Variants in DDX49 observed in about 807,000 individuals in gnomAD.
The protein encoded by DDX49 is probable ATP-dependent RNA helicase DDX49.
A neutral mutation model predicts 56.3 loss-of-function variants in DDX49; 50 were observed. The observed-to-expected ratio is 0.89, with a 90% CI of 0.71 to 1.12. The LOEUF (loss-of-function observed/expected upper bound fraction) is 1.12. Among genes scored for constraint, DDX49 ranks in the 50% most tolerant of loss-of-function variants. The pLI, the probability that DDX49 is intolerant of heterozygous loss-of-function variation, is 0.00. For synonymous variants in DDX49, 269 were observed against 270.6 expected (o/e 0.99, Z 0.06); for missense variants, 614 against 650.5 (o/e 0.94, Z 0.61).
chr19:18,922,081 C>T lies in DDX49; in HGVS notation c.447+117C>T, dbSNP rs1248746628. On this transcript the variant is annotated intron_variant, in intron 4 of 12. Transcript: ENST00000247003. Reference sequence around the variant, plus strand: ...GGAAACGTATGTCCGTTAGACTGTCCAGTAAAACGCTAGGAACAGTGACAA... The same window carrying T: ...GGAAACGTATGTCCGTTAGACTGTCTAGTAAAACGCTAGGAACAGTGACAA... 9.4e-6 allele frequency: 13 copies of T among 1,381,904 alleles called. 1 individual carries two copies. Among genetic ancestry groups the T allele is most frequent in the East Asian group, 2.4e-5 (1 of 41,372 alleles). The allele number at this position is 1,381,904 out of a possible 1,614,324, so 85.6% of individuals were successfully genotyped here.
chr19:18,922,514 G>GT lies in DDX49; in HGVS notation c.635+2dup. ...CCTTCTTCTGGGAAGCACAGGCCCCGTGAGTCCACAGCCCAGACAGCGTGG... is the reference window on the plus strand; with the variant it reads ...CCTTCTTCTGGGAAGCACAGGCCCCGTTGAGTCCACAGCCCAGACAGCGTGG... On this transcript the variant is annotated splice_donor_variant, in intron 5 of 12. Transcript: ENST00000247003. LOFTEE classifies it high-confidence loss of function. The GT allele has an allele frequency of 6.2e-7, 1 of 1,600,312 alleles. No homozygotes were observed. Among genetic ancestry groups the GT allele is most frequent in the Non-Finnish European group, 8.5e-7 (1 of 1,175,626 alleles).
rs1434182987 is a variant in DDX49 at position 18,926,373 on chromosome 19, G to A, written c.1098G>A (p.Gln366=). The A allele has an allele frequency of 1.6e-6, 2 of 1,245,618 alleles. No individual in the cohort carries two copies. Among genetic ancestry groups the A allele is most frequent in the South Asian group, 1.3e-5 (1 of 79,524 alleles). The allele number at this position is 1,245,618 out of a possible 1,614,324, so 77.2% of individuals were successfully genotyped here. The change falls in exon 10 of 13, where the codon CAG becomes CAA. Residue 366 remains glutamine, a synonymous_variant. Coordinates refer to ENST00000247003, the MANE Select transcript of DDX49 (RefSeq NM_019070.5). ...ACCTGGTGCACGCCATCGAGGAGCA[G>A]ATCAGTGAGTGGGGTTGGGGTGGGT... The part of the protein sequence containing the change: ...DIHLVHAIEE[Q]IKKKLEEFSV...
At chr19:18,923,300 T>C (rs938779959) in intron 6 of DDX49, among the ~76,000 whole-genome samples, 1 of 152,124 alleles carries the variant, frequency 6.6e-6, no homozygotes, top group Non-Finnish European at 1.5e-5. Context: ...GGTAGGCGGA[T>C]CACCTGAGGT....
chr19:18,922,973 A>G (rs2056931858), intron 6 of DDX49, among the ~76,000 whole-genome samples: 1 of 152,222 alleles, frequency 6.6e-6, no homozygotes, highest in Non-Finnish European at 1.5e-5. Context: ...CCCTGCAAGC[A>G]GCTGTTTGAG....
At position 18,926,301 on chromosome 19, in the gene DDX49, A is replaced by G; in HGVS notation, c.1028-2A>G. On this transcript the variant is annotated splice_acceptor_variant, in intron 9 of 12. Coordinates refer to ENST00000247003, the MANE Select transcript of DDX49 (RefSeq NM_019070.5). LOFTEE classifies it high-confidence loss of function. ...TAGCAGATAACCGGCACATCCCCACAGGGCGGCAGGGTCAGGCCATCACGC... is the reference window on the plus strand; with the variant it reads ...TAGCAGATAACCGGCACATCCCCACGGGGCGGCAGGGTCAGGCCATCACGC... The G allele has an allele frequency of 6.4e-7, 1 of 1,564,718 alleles. No homozygotes were observed. The highest frequency in any genetic ancestry group is 8.7e-7 in the Non-Finnish European group (1 of 1,154,284).
intron 10 of DDX49, among the ~76,000 whole-genome samples, chr19:18,927,366 C>A (rs182059646): frequency 5.3e-4 from 81 of 152,084 alleles, no homozygotes; most frequent in Non-Finnish European, 8.8e-4. Flanking sequence ...CAGAGTAAGA[C>A]CCTGTCTTCA....
At chr19:18,925,469 T>C (rs1213761600) in intron 9 of DDX49, among the ~76,000 whole-genome samples, 2 of 151,914 alleles carry the variant, frequency 1.3e-5, no homozygotes, top group Non-Finnish European at 2.9e-5. Flanking sequence ...GCAGGAGAAT[T>C]GCTTGAACCC....
At position 18,922,725 on chromosome 19, in the gene DDX49, A is replaced by C; in HGVS notation, c.757A>C (p.Ile253Leu). 6.2e-7 allele frequency: 1 copy of C among 1,613,484 alleles called. No homozygotes were observed. Among genetic ancestry groups the C allele is most frequent in the Non-Finnish European group, 8.5e-7 (1 of 1,179,792 alleles). ...TGAGCACGAGGACTGGTCCATTATC[A>C]TCTTCACCAACACGTGCAAGTGAGC... ...QDEHEDWSII[I>L]FTNTCKTCQI... The change falls in exon 6 of 13, where the codon ATC (isoleucine) becomes CTC (leucine). Residue 253 changes from isoleucine (I) to leucine (L), a missense_variant. By Grantham distance (5) the Ile-to-Leu change is conservative. Coordinates refer to ENST00000247003, the MANE Select transcript of DDX49 (RefSeq NM_019070.5).
At position 18,924,974 on chromosome 19, in the gene DDX49, G is replaced by T; in HGVS notation, c.1022G>T (p.Arg341Leu). The change falls in exon 9 of 13, where the codon CGT becomes CTT. Residue 341 changes from arginine to leucine, a missense_variant. Coordinates refer to ENST00000247003, the MANE Select transcript of DDX49 (RefSeq NM_019070.5). Reference protein sequence around the residue: ...IYIHRVGRTARAGRQGQAITL... With the variant: ...IYIHRVGRTALAGRQGQAITL... Reference sequence around the variant, plus strand: ...ATCCACCGAGTCGGCCGGACGGCCCGTGCAGGTGAGCAGTGGAGGGGGAGG... The same window carrying T: ...ATCCACCGAGTCGGCCGGACGGCCCTTGCAGGTGAGCAGTGGAGGGGGAGG... 1 of 1,610,314 alleles carries T rather than the reference G, an allele frequency of 6.2e-7. No individual in the cohort carries two copies. The highest frequency in any genetic ancestry group is 8.5e-7 in the Non-Finnish European group (1 of 1,179,674).
At chr19:18,926,427 A>ATT in intron 10 of DDX49, 50 bp downstream of exon 10, 3 of 444,374 alleles carry the variant, frequency 6.8e-6, no homozygotes, top group Non-Finnish European at 4.5e-6. Context: ...GGGTGGGCAG[A>ATT]GGTGGGCACC....
intron 9 of DDX49, among the ~76,000 whole-genome samples, chr19:18,925,622 G>A (rs563580817): frequency 5.9e-5 from 9 of 152,328 alleles, no homozygotes; most frequent in African/African-American, 1.9e-4. Flanking sequence ...TGCAAGTCAG[G>A]TGCTGCCTTC....
chr19:18,928,601 G>A lies in DDX49; in HGVS notation c.*285G>A. ...CCCAGGGGTGCCGCATACAGGAGGT[G>A]CTTAATAAACGGGTCTTTTGACTTC... On this transcript the variant is annotated 3_prime_UTR_variant, in exon 13 of 13. Coordinates refer to ENST00000247003, the MANE Select transcript of DDX49 (RefSeq NM_019070.5). 5.2e-6 allele frequency: 2 copies of A among 388,196 alleles called. No homozygotes were observed. The highest frequency in any genetic ancestry group is 9.3e-6 in the Non-Finnish European group (2 of 215,982). 24.0% of individuals were successfully genotyped at this position (388,196 alleles called of 1,614,324 possible).
chr19:18,921,348 C>A (rs2056915624), intron 2 of DDX49, among the ~76,000 whole-genome samples: 1 of 152,146 alleles, frequency 6.6e-6, no homozygotes. Context: ...ATGCTTGAGA[C>A]CCTCTGGCTG....
At chr19:18,921,617 G>A in intron 2 of DDX49, 46 bp from the exon 3 acceptor site, 1 of 1,582,370 alleles carries the variant, frequency 6.3e-7, no homozygotes, top group Non-Finnish European at 8.7e-7. Context: ...TGGGGGGCAG[G>A]TCCAGAACCA....
rs75693456 is a variant in DDX49, at chr19:18,920,392, A to T, written c.116-188A>T. On this transcript the variant is annotated intron_variant, in intron 1 of 12. Transcript: ENST00000247003. ...TGCATATGAGGGAAGGGAATTCTGG[A>T]TTCCCCAAATTCACGTGCTCCTGGA... 5.3e-5 allele frequency among the ~76,000 whole-genome samples: 8 copies of T among 152,328 alleles called. No homozygotes were observed. In the East Asian group the frequency reaches 1.4e-3, roughly 26 times the overall value.
At chr19:18,926,118 AC>A (rs1219706040) in intron 9 of DDX49, among the ~76,000 whole-genome samples, 184 bp from the exon 10 acceptor site, 1 of 152,012 alleles carries the variant, frequency 6.6e-6, no homozygotes, top group Non-Finnish European at 1.5e-5. Context: ...CTCCCCAGCG[AC>A]CCGTCCTCCA....
chr19:18,921,711 T>C lies in DDX49; in HGVS notation c.288T>C (p.Pro96=), dbSNP rs1389541924. ...AGCAGTTCCGGGTCCTGGGGAAGCC[T>C]CTAGGGCTGAAAGACTGCATCATCG... The part of the protein sequence containing the change: ...IAEQFRVLGK[P]LGLKDCIIVG... Residue 96 remains proline, a synonymous_variant, in exon 3 of 13, where the codon CCT becomes CCC. Transcript: ENST00000247003. 6.2e-7 allele frequency: 1 copy of C among 1,613,680 alleles called. No homozygotes were observed. The highest frequency in any genetic ancestry group is 8.5e-7 in the Non-Finnish European group (1 of 1,179,966).
chr19:18,922,090 G>A (rs769454051), intron 4 of DDX49, 126 bp downstream of exon 4: 11 of 1,348,110 alleles, frequency 8.2e-6, no homozygotes, highest in East Asian at 7.4e-5. Flanking sequence ...CCAGTAAAAC[G>A]CTAGGAACAG....
chr19:18,926,520 C>T (rs2056962973), intron 10 of DDX49, 143 bp downstream of exon 10: 4 of 847,582 alleles, frequency 4.7e-6, no homozygotes, highest in Admixed American at 5.2e-5. Context: ...CTTCCCTAGG[C>T]ACCCCCAAAA....
Sources: allele counts gnomAD v4.1 joint callset (sites outside exome capture counted in the v4.1 genomes callset), GRCh38; gene constraint gnomAD v4.1.1; transcripts MANE v1.5; gene names NCBI Gene and HGNC (gene_info 2026-07-23, HGNC 2026-07-21).